The following DNAH9 variants were observed in gnomAD, a reference collection of about 807,000 sequenced individuals.
The protein encoded by DNAH9 is DNAH9 variant protein.
DNAH9 carries 345 observed loss-of-function variants against 471.6 expected under a neutral mutation model. The ratio of observed to expected loss-of-function variants is 0.73; its 90% CI spans 0.67 to 0.80. DNAH9 has a LOEUF of 0.80. Ranked by LOEUF, DNAH9 falls within the 30% of genes least tolerant of loss-of-function variation. DNAH9 has a pLI of 0.00. For synonymous variants in DNAH9, 2,093 were observed against 2,123.6 expected, an observed-to-expected ratio of 0.99 and a Z score of 0.40; for missense variants, 5,407 against 5,609.2, an observed-to-expected ratio of 0.96 and a Z score of 1.15.
chr17:11,862,816 CTGTT>C (rs944441029), intron 50 of DNAH9, among the ~76,000 whole-genome samples: 26 of 151,972 alleles, frequency 1.7e-4, no homozygotes, highest in African/African-American at 5.5e-4. Flanking sequence ...ATTTGGCTCT[CTGTT>C]TGTCTGTTAT....
intron 35 of DNAH9, among the ~76,000 whole-genome samples, chr17:11,763,040 A>G (rs945271064): frequency 2.6e-5 from 4 of 151,844 alleles, no homozygotes; most frequent in African/African-American, 2.4e-5. Flanking sequence ...CAGCCTCCCA[A>G]AGTGCTGGGA....
At chr17:11,743,373 T>G (rs1018144606) in intron 30 of DNAH9, among the ~76,000 whole-genome samples, 1 of 152,244 alleles carries the variant, frequency 6.6e-6, no homozygotes, top group Non-Finnish European at 1.5e-5. Context: ...CCATATCTTT[T>G]GCTTAAACTA....
chr17:11,891,603 G>A (rs1181788224), intron 57 of DNAH9, among the ~76,000 whole-genome samples, 174 bp from the exon 58 acceptor site: 1 of 143,692 alleles, frequency 7.0e-6, no homozygotes. Flanking sequence ...GACCTTAGGT[G>A]ATCTGCCCAC....
chr17:11,800,668 T>G (rs936520353), intron 43 of DNAH9, among the ~76,000 whole-genome samples: 1 of 152,132 alleles, frequency 6.6e-6, no homozygotes, highest in Admixed American at 6.5e-5. Flanking sequence ...TTGTCACCTC[T>G]GTAGTGAGGT....
rs567513663 is a variant in DNAH9 at position 11,878,790 on chromosome 17, A to C, written c.10479-1288A>C. 6.7e-3 allele frequency among the ~76,000 whole-genome samples: 1,024 copies of C among 152,090 alleles called. 10 individuals are homozygous for C. Among genetic ancestry groups the C allele is most frequent in the Non-Finnish European group, 0.011 (722 of 67,994 alleles). On this transcript the variant is annotated intron_variant, in intron 53 of 68. Transcript: ENST00000262442. ...GGCTGGTCTCAAACTCCTGGTCTCA[A>C]TCTCCTGGCCTCAAGCAATCATCCC...
In DNAH9 at chr17:11,689,918, A is replaced by G; in HGVS notation, c.4096A>G (p.Thr1366Ala). 6.2e-7 allele frequency: 1 copy of G among 1,609,608 alleles called. No homozygotes were observed. Among genetic ancestry groups the G allele is most frequent in the East Asian group, 2.2e-5 (1 of 44,678 alleles). ...AGGCCTGGAAAGCACTGTGTGGAAC[A>G]CGCTGAGCTCCCTGAGGGCAGTAGC... ...FTGLESTVWN[T>A]LSSLRAVAEL... The change falls in exon 20 of 69, where the codon ACG becomes GCG. Residue 1366 changes from threonine to alanine, a missense_variant. Thr to Ala is a moderately conservative substitution (Grantham distance 58). Coordinates refer to ENST00000262442, the MANE Select transcript of DNAH9 (RefSeq NM_001372.4).
At position 11,756,610 on chromosome 17, in the gene DNAH9, A is replaced by C; in HGVS notation, c.6781A>C (p.Thr2261Pro). The C allele has an allele frequency of 6.2e-7, 1 of 1,613,830 alleles. No homozygotes were observed. The part of the protein sequence containing the change: ...ASNERIPLNP[T>P]MKLLFEISHL... ...CAATGAGAGGATTCCTCTGAACCCC[A>C]CCATGAAGCTCCTCTTTGAGATCAG... is the stretch of plus-strand genomic sequence containing the variant. The change falls in exon 34 of 69, where the codon ACC (threonine) becomes CCC (proline). Residue 2261 changes from threonine (T) to proline (P), a missense_variant. Physicochemically the swap from Thr to Pro is conservative, Grantham distance 38. Around this residue, in one of 3 missense-constraint regions of DNAH9, gnomAD observed 4,636 missense variants for 4,900.3 expected, o/e 0.95. Coordinates refer to ENST00000262442, the MANE Select transcript of DNAH9 (RefSeq NM_001372.4).
At chr17:11,814,970 A>G (rs1452805456) in intron 45 of DNAH9, among the ~76,000 whole-genome samples, 1 of 142,504 alleles carries the variant, frequency 7.0e-6, no homozygotes. Context: ...GAAAAAAAAA[A>G]CAATAAAGTT....
intron 17 of DNAH9, among the ~76,000 whole-genome samples, chr17:11,677,968 T>C (rs1296458605): frequency 3.3e-5 from 5 of 151,976 alleles, no homozygotes; most frequent in Non-Finnish European, 7.4e-5. Flanking sequence ...CCTAGTAATT[T>C]AGATTGCTCT....
chr17:11,653,967 A>T (rs1216411079), intron 14 of DNAH9, among the ~76,000 whole-genome samples: 1 of 152,092 alleles, frequency 6.6e-6, no homozygotes, highest in Non-Finnish European at 1.5e-5. Flanking sequence ...TGGGCACTGT[A>T]TCGAATACCA....
At chr17:11,835,255 T>C (rs2150954006) in intron 49 of DNAH9, among the ~76,000 whole-genome samples, 1 of 152,304 alleles carries the variant, frequency 6.6e-6, no homozygotes, top group Non-Finnish European at 1.5e-5. Flanking sequence ...ATCTTCAAAA[T>C]CTAATCCCAG....
chr17:11,645,879 C>CTTTTTTTTTTTTT (rs760279719), intron 11 of DNAH9, among the ~76,000 whole-genome samples: 3 of 70,616 alleles, frequency 4.2e-5, no homozygotes, highest in Non-Finnish European at 7.5e-5. Context: ...TTTTCTTTTT[C>CTTTTTTTTTTTTT]TTTTTTTTTT....
intron 45 of DNAH9, among the ~76,000 whole-genome samples, chr17:11,814,962 A>T (rs1245167904): frequency 2.0e-5 from 2 of 101,224 alleles, no homozygotes; most frequent in South Asian, 7.2e-4. Flanking sequence ...CCTAGAAAGA[A>T]AAAAAAAACA....
At chr17:11,728,981 G>T (rs1468710474) in intron 28 of DNAH9, among the ~76,000 whole-genome samples, 1 of 152,146 alleles carries the variant, frequency 6.6e-6, no homozygotes, top group Admixed American at 6.5e-5. Context: ...GGTGTCTAGT[G>T]GGTAAAATGC....
intron 14 of DNAH9, among the ~76,000 whole-genome samples, chr17:11,654,374 A>AAAAAAAAAAAAAAAG (rs1353333314): frequency 3.5e-5 from 2 of 57,760 alleles, no homozygotes; most frequent in Non-Finnish European, 8.3e-5. Context: ...AAAAAAAAAA[A>AAAAAAAAAAAAAAAG]AAAAGTTTAA....
chr17:11,611,786 G>A lies in DNAH9; in HGVS notation c.904+6G>A. ...GTACAGAGATGTTGTTGCAGGTGAG[G>A]ACCAGCAAGTGTTTTCACAAATGTG... On this transcript the variant is annotated splice_donor_region_variant and intron_variant, in intron 4 of 68. Transcript: ENST00000262442. 6.2e-7 allele frequency: 1 copy of A among 1,613,772 alleles called. No individual in the cohort carries two copies. Among genetic ancestry groups the A allele is most frequent in the Non-Finnish European group, 8.5e-7 (1 of 1,179,614 alleles).
chr17:11,698,179 T>TATAATTAA (rs1567728531), intron 22 of DNAH9, among the ~76,000 whole-genome samples: 2 of 5,838 alleles, frequency 3.4e-4, no homozygotes, highest in Admixed American at 2.8e-3. Context: ...TATTAATATA[T>TATAATTAA]TATTATATTA....
chr17:11,643,943 A>T (rs2073328578), intron 10 of DNAH9, among the ~76,000 whole-genome samples: 3 of 152,338 alleles, frequency 2.0e-5, no homozygotes, highest in Middle Eastern at 3.4e-3. Flanking sequence ...TAAAAGATTT[A>T]AAAAATGGTA....
At position 11,883,595 on chromosome 17, in the gene DNAH9, A is replaced by T; in HGVS notation, c.10816A>T (p.Thr3606Ser). ...TGCTTGATATTTGCAGTCCGATCTCACAAAGCAGCAGAATGGATTCAAAAT... is the reference window on the plus strand; with the variant it reads ...TGCTTGATATTTGCAGTCCGATCTCTCAAAGCAGCAGAATGGATTCAAAAT... ...PDLEQLKSDL[T>S]KQQNGFKITL... is the part of the protein sequence containing the mutation. The change falls in exon 56 of 69, where the codon ACA becomes TCA. Residue 3606 changes from threonine to serine, a missense_variant. Transcript: ENST00000262442. 1 of 1,614,072 alleles carries T rather than the reference A, an allele frequency of 6.2e-7. No homozygotes were observed. Among genetic ancestry groups the T allele is most frequent in the Non-Finnish European group, 8.5e-7 (1 of 1,179,982 alleles).
Sources: gnomAD v4.1 joint callset for allele counts (sites outside exome capture counted in the v4.1 genomes callset) on GRCh38, gnomAD v4.1.1 for gene constraint, gnomAD v4.1.1 regional missense constraint, MANE v1.5 for transcripts, NCBI Gene and HGNC (gene_info 2026-07-23, HGNC 2026-07-21) for gene names.